ANKRD30BL: variants seen among roughly 807,000 people sequenced by gnomAD.
The protein encoded by ANKRD30BL is putative ankyrin repeat domain-containing protein 30B-like.
In ANKRD30BL, 20 loss-of-function variants were observed where a neutral mutation model predicts 18.4. That is an observed-to-expected ratio of 1.09 (90% CI 0.77 to 1.58). The LOEUF (loss-of-function observed/expected upper bound fraction) is 1.58. Among genes scored for constraint, ANKRD30BL ranks in the 40% most tolerant of loss-of-function variants. The probability of loss-of-function intolerance (pLI) is 0.00; values close to 1 mark genes in which losing one functional copy is unlikely to be tolerated. For missense variants in ANKRD30BL, 224 were observed against 268.6 expected, an observed-to-expected ratio of 0.83 and a Z score of 1.16; for synonymous variants, 72 against 100.9, an observed-to-expected ratio of 0.71 and a Z score of 1.72.
At chr2:132,219,361 G>A (rs1416976657) in intron 1 of ANKRD30BL, among the ~76,000 whole-genome samples, 3 of 152,038 alleles carry the variant, frequency 2.0e-5, no homozygotes, top group Admixed American at 6.6e-5. Context: ...TCTTTGTGCT[G>A]TGTGCATTCA....
chr2:132,255,475 C>T (rs75497055), intron 1 of ANKRD30BL, among the ~76,000 whole-genome samples: 1 of 151,890 alleles, frequency 6.6e-6, no homozygotes, highest in Non-Finnish European at 1.5e-5. Context: ...GAAGCAGGGA[C>T]GGGCTGTGGC....
chr2:132,197,057 C>T (rs1364662560), intron 1 of ANKRD30BL, among the ~76,000 whole-genome samples: 2 of 152,232 alleles, frequency 1.3e-5, no homozygotes, highest in Non-Finnish European at 2.9e-5. Context: ...CAAACTCTCA[C>T]TAAGGGCCCA....
chr2:132,165,018 G>A (rs548861525), upstream of ANKRD30BL, among the ~76,000 whole-genome samples: 7 of 152,200 alleles, frequency 4.6e-5, no homozygotes, highest in South Asian at 1.2e-3. Flanking sequence ...AGCTTGCAGT[G>A]AGCCGAGATC....
chr2:132,215,393 T>C (rs1413249341), intron 1 of ANKRD30BL, among the ~76,000 whole-genome samples: 2 of 152,234 alleles, frequency 1.3e-5, no homozygotes, highest in African/African-American at 4.8e-5. Context: ...GACAAACCTA[T>C]TTGTGATATG....
upstream of ANKRD30BL, among the ~76,000 whole-genome samples, chr2:132,166,807 T>A (rs993045245): frequency 6.6e-6 from 1 of 152,078 alleles, no homozygotes; most frequent in African/African-American, 2.4e-5. Context: ...TTTACTGATA[T>A]CTGCTAAACT....
intron 1 of ANKRD30BL, among the ~76,000 whole-genome samples, chr2:132,229,172 C>T (rs1468628737): frequency 1.3e-5 from 2 of 151,942 alleles, no homozygotes; most frequent in Non-Finnish European, 2.9e-5. Context: ...GCATTCAACC[C>T]CCAGATTTGA....
chr2:132,253,546 C>T (rs13414360), intron 1 of ANKRD30BL, among the ~76,000 whole-genome samples: 3,078 of 152,216 alleles, frequency 0.02, 99 homozygotes, highest in African/African-American at 0.071. Context: ...ACAGGCCACA[C>T]GTGCAGCATG....
chr2:132,239,973 G>A (rs936947301), intron 1 of ANKRD30BL, among the ~76,000 whole-genome samples: 37 of 151,344 alleles, frequency 2.4e-4, no homozygotes, highest in African/African-American at 8.5e-4. Context: ...GTTGGAAACG[G>A]GAATATCTTC....
intron 1 of ANKRD30BL, among the ~76,000 whole-genome samples, chr2:132,242,531 G>A (rs1680367426): frequency 7.0e-6 from 1 of 142,840 alleles, no homozygotes; most frequent in Admixed American, 6.7e-5. Flanking sequence ...TGGTGAAAAA[G>A]GAAATATCTT....
chr2:132,205,601 C>CAAAAAAA (rs563528186), intron 1 of ANKRD30BL, among the ~76,000 whole-genome samples: 1 of 64,528 alleles, frequency 1.5e-5, no homozygotes, highest in African/African-American at 4.3e-5. Context: ...AACTTCGTCT[C>CAAAAAAA]AAAAAAAAAA....
chr2:132,223,931 G>T (rs6715921), intron 1 of ANKRD30BL, among the ~76,000 whole-genome samples: 6,976 of 152,070 alleles, frequency 0.046, 544 homozygotes, highest in African/African-American at 0.16. Context: ...TATTTGGAAC[G>T]CTTTGAGGCC....
intron 5 of ANKRD30BL, 113 bp downstream of exon 5, chr2:132,150,799 A>G (rs1399948040): frequency 4.7e-6 from 2 of 426,228 alleles, no homozygotes; most frequent in Non-Finnish European, 8.4e-6. Context: ...ATATAGGTCT[A>G]TATGTAAACA....
At chr2:132,221,182 G>C (rs915497967) in intron 1 of ANKRD30BL, among the ~76,000 whole-genome samples, 1 of 145,012 alleles carries the variant, frequency 6.9e-6, no homozygotes, top group African/African-American at 2.8e-5. Flanking sequence ...CCCCATCCGC[G>C]AGGGAGGTGG....
chr2:132,245,721 T>G (rs200248876), intron 1 of ANKRD30BL, among the ~76,000 whole-genome samples: 1 of 140,250 alleles, frequency 7.1e-6, no homozygotes, highest in African/African-American at 2.6e-5. Context: ...GAAACACTCT[T>G]TTTTTGTAGA....
chr2:132,238,453 A>G (rs182498395), intron 1 of ANKRD30BL, among the ~76,000 whole-genome samples: 1 of 152,164 alleles, frequency 6.6e-6, no homozygotes, highest in African/African-American at 2.4e-5. Context: ...ATATTCACAT[A>G]AAAACAAGAC....
chr2:132,167,279 TA>T (rs1558917560), intron 1 of ANKRD30BL, among the ~76,000 whole-genome samples: 7 of 10,718 alleles, frequency 6.5e-4, no homozygotes, highest in Non-Finnish European at 1.7e-3. Context: ...CATTTATTTT[TA>T]TTTTATTTTA....
intron 1 of ANKRD30BL, among the ~76,000 whole-genome samples, chr2:132,248,688 G>C (rs1680569393): frequency 6.6e-6 from 1 of 150,874 alleles, no homozygotes; most frequent in Non-Finnish European, 1.5e-5. Flanking sequence ...AGAGTTTCCA[G>C]ACTCGTCAAA....
At chr2:132,238,342 T>C (rs527883689) in intron 1 of ANKRD30BL, among the ~76,000 whole-genome samples, 2 of 152,086 alleles carry the variant, frequency 1.3e-5, no homozygotes, top group Admixed American at 1.3e-4. Flanking sequence ...AACTTCTTTG[T>C]GACGTGTGCA....
intron 1 of ANKRD30BL, among the ~76,000 whole-genome samples, chr2:132,208,806 C>T (rs1230735647): frequency 1.3e-5 from 2 of 151,508 alleles, no homozygotes; most frequent in East Asian, 1.9e-4. Context: ...CAGAACACTG[C>T]TATGAGGTTC....
Sources: gnomAD v4.1 joint callset for allele counts (sites outside exome capture counted in the v4.1 genomes callset) on GRCh38, gnomAD v4.1.1 for gene constraint, MANE v1.5 for transcripts, NCBI Gene and HGNC (gene_info 2026-07-23, HGNC 2026-07-21) for gene names.